RUNX2: variants seen among roughly 807,000 people sequenced by gnomAD.
RUNX2 encodes runt-related transcription factor 2.
Under a neutral mutation model 51.7 loss-of-function variants are expected in RUNX2, and 10 were observed. That is an observed-to-expected ratio of 0.19 (90% CI 0.12 to 0.33). The LOEUF is 0.33. RUNX2 is among the 10% of genes least tolerant of loss of function. RUNX2 has a pLI of 1.00. For synonymous variants in RUNX2, 276 were observed against 273.6 expected, an observed-to-expected ratio of 1.01 and a Z score of -0.09; for missense variants, 562 against 691.3, an observed-to-expected ratio of 0.81 and a Z score of 2.10.
chr6:45,514,695 C>T (rs1801264898), intron 7 of RUNX2, among the ~76,000 whole-genome samples: 1 of 152,182 alleles, frequency 6.6e-6, no homozygotes, highest in Admixed American at 6.5e-5. Flanking sequence ...GGGGCTGTGC[C>T]TGCACACCCA....
intron 7 of RUNX2, among the ~76,000 whole-genome samples, chr6:45,543,915 G>A (rs1290391348): frequency 6.7e-6 from 1 of 150,300 alleles, no homozygotes; most frequent in Non-Finnish European, 1.5e-5. Flanking sequence ...TTTAAGTTTA[G>A]GATTTCTCCC....
chr6:45,513,842 A>G (rs537464063), intron 7 of RUNX2, among the ~76,000 whole-genome samples: 2 of 152,340 alleles, frequency 1.3e-5, no homozygotes, highest in East Asian at 3.9e-4. Flanking sequence ...TCAGGCAAAC[A>G]TTAATTAAAG....
At chr6:45,428,105 A>G (rs1013145805) in intron 3 of RUNX2, among the ~76,000 whole-genome samples, 5 of 152,194 alleles carry the variant, frequency 3.3e-5, no homozygotes, top group African/African-American at 1.2e-4. Context: ...GCAGAGCAGT[A>G]CTTTTGTATT....
chr6:45,410,003 T>C (rs769547800), intron 2 of RUNX2, among the ~76,000 whole-genome samples: 1 of 152,182 alleles, frequency 6.6e-6, no homozygotes, highest in Non-Finnish European at 1.5e-5. Context: ...GCAAGAGATA[T>C]CAGGAAATGT....
rs565523641 is a variant in RUNX2 at position 45,388,735 on chromosome 6, C to G, written c.59-33858C>G. On this transcript the variant is annotated intron_variant, in intron 2 of 8. Coordinates refer to ENST00000647337, the MANE Select transcript of RUNX2 (RefSeq NM_001024630.4). The stretch of plus-strand genomic sequence containing the variant: ...AATATTGTTAAGGACTTTTAAAAAT[C>G]TACTGGTTTCTCTCTAGAAATGGGT... Among the ~76,000 whole-genome samples the G allele has an allele frequency of 7.2e-5, 11 of 152,224 alleles. No individual in the cohort carries two copies. The East Asian group carries it at 2.1e-3, about 29-fold the overall frequency.
chr6:45,372,300 C>G (rs997932849), intron 2 of RUNX2, among the ~76,000 whole-genome samples: 2 of 152,186 alleles, frequency 1.3e-5, no homozygotes, highest in African/African-American at 2.4e-5. Context: ...CCTTAGTAAA[C>G]CGCCTTGTAC....
intron 3 of RUNX2, among the ~76,000 whole-genome samples, chr6:45,425,526 C>T (rs1000779384): frequency 3.3e-5 from 5 of 152,122 alleles, no homozygotes; most frequent in Admixed American, 3.3e-4. Context: ...TTGAGTTAAC[C>T]TACAACCTGA....
chr6:45,388,390 C>G (rs1797399454), intron 2 of RUNX2, among the ~76,000 whole-genome samples: 1 of 152,190 alleles, frequency 6.6e-6, no homozygotes, highest in Non-Finnish European at 1.5e-5. Context: ...TGTTAAATTG[C>G]AGCTAGCCCA....
intron 2 of RUNX2, among the ~76,000 whole-genome samples, chr6:45,378,977 C>T (rs1033111329): frequency 6.6e-6 from 1 of 152,192 alleles, no homozygotes; most frequent in Non-Finnish European, 1.5e-5. Flanking sequence ...TATTAACCCT[C>T]ACCAAGTCTT....
chr6:45,515,083 T>A (rs1258044529), intron 7 of RUNX2, among the ~76,000 whole-genome samples: 3 of 152,202 alleles, frequency 2.0e-5, no homozygotes, highest in Non-Finnish European at 4.4e-5. Flanking sequence ...CCTCTATCCC[T>A]GTTTACAGGC....
At chr6:45,403,819 T>C (rs950725928) in intron 2 of RUNX2, among the ~76,000 whole-genome samples, 24 of 152,076 alleles carry the variant, frequency 1.6e-4, no homozygotes, top group African/African-American at 5.3e-4. Flanking sequence ...CATGTAATTA[T>C]ATATCAAATG....
intron 7 of RUNX2, among the ~76,000 whole-genome samples, chr6:45,518,759 G>A (rs7772562): frequency 0.36 from 54,317 of 151,966 alleles, 11,132 homozygotes; most frequent in African/African-American, 0.58. Flanking sequence ...TGCAGGGATG[G>A]CAAACACATG....
chr6:45,477,088 C>G (rs563559885), intron 5 of RUNX2, among the ~76,000 whole-genome samples: 1 of 152,258 alleles, frequency 6.6e-6, no homozygotes, highest in African/African-American at 2.4e-5. Context: ...TGCTAAGCTC[C>G]CCTGGGTCCC....
intron 6 of RUNX2, among the ~76,000 whole-genome samples, chr6:45,508,202 T>C (rs984144714): frequency 6.7e-6 from 1 of 150,030 alleles, no homozygotes; most frequent in African/African-American, 2.4e-5. Context: ...TAACCCCATA[T>C]GGCAGTTCTT....
chr6:45,474,373 ATGTGTGTGTG>A lies in RUNX2; in HGVS notation c.686-17544_686-17535del, dbSNP rs56719456. ...GCCACCATATTTTTATGTTTTATAT[ATGTGTGTGTG>A]TGTGTGTGTGTGTGTGTGTGTGTAT... On this transcript the variant is annotated intron_variant, in intron 5 of 8. Transcript: ENST00000647337. Among the ~76,000 whole-genome samples the A allele has an allele frequency of 9.0e-3, 1,350 of 149,506 alleles. 21 individuals carry two copies. Among genetic ancestry groups the A allele is most frequent in the African/African-American group, 0.031 (1,257 of 40,774 alleles).
intron 7 of RUNX2, among the ~76,000 whole-genome samples, chr6:45,537,935 G>A (rs1802087260): frequency 1.3e-5 from 2 of 152,192 alleles, no homozygotes; most frequent in African/African-American, 4.8e-5. Context: ...ATATTTTCAA[G>A]TCTCTTGTTT....
chr6:45,388,502 G>A (rs138193073), intron 2 of RUNX2, among the ~76,000 whole-genome samples: 174 of 152,310 alleles, frequency 1.1e-3, no homozygotes, highest in African/African-American at 3.9e-3. Flanking sequence ...AGATACTCTG[G>A]GGGGCGGAGT....
chr6:45,337,332 C>T (rs1454875969), intron 2 of RUNX2, among the ~76,000 whole-genome samples: 1 of 151,580 alleles, frequency 6.6e-6, no homozygotes, highest in African/African-American at 2.4e-5. Context: ...TTTTCCTGTA[C>T]GTACCTCTTC....
rs1035896326 is a variant in RUNX2 at position 45,387,285 on chromosome 6, A to G, written c.59-35308A>G. 1.8e-4 allele frequency among the ~76,000 whole-genome samples: 27 copies of G among 152,228 alleles called. 1 individual carries two copies. The highest frequency in any genetic ancestry group is 1.3e-4 in the Non-Finnish European group (9 of 68,042). On this transcript the variant is annotated intron_variant, in intron 2 of 8. Transcript: ENST00000647337. ...ATCTCAGTGGCTATGACAAGTAGCA[A>G]ACTGGAATATTCAGGCAAAATAGTC...
Sources: gnomAD v4.1 joint callset for allele counts (sites outside exome capture counted in the v4.1 genomes callset) on GRCh38, gnomAD v4.1.1 for gene constraint, MANE v1.5 for transcripts, NCBI Gene and HGNC (gene_info 2026-07-23, HGNC 2026-07-21) for gene names.